GFPT2: variants seen among roughly 807,000 people sequenced by gnomAD.
The protein encoded by GFPT2 is glutamine--fructose-6-phosphate aminotransferase [isomerizing] 2.
Under a neutral mutation model 85.6 loss-of-function variants are expected in GFPT2, and 62 were observed. That is an observed-to-expected ratio of 0.72 (90% CI 0.59 to 0.90). The LOEUF (loss-of-function observed/expected upper bound fraction) is 0.90. Among genes scored for constraint, GFPT2 ranks in the 40% least tolerant of loss-of-function variants. GFPT2 has a pLI of 0.00. For synonymous variants in GFPT2, 368 were observed against 344.5 expected (o/e 1.07, Z -0.75); for missense variants, 788 against 893.4 (o/e 0.88, Z 1.50).
intron 17 of GFPT2, 103 bp from the exon 18 acceptor site, chr5:180,302,687 C>CA: frequency 8.1e-6 from 7 of 869,420 alleles, no homozygotes; most frequent in Non-Finnish European, 1.2e-5. Flanking sequence ...TGAGAACAGT[C>CA]CTCTTTTGCA....
At chr5:180,352,525 G>C (rs949436935) in intron 1 of GFPT2, 25 of 444,010 alleles carry the variant, frequency 5.6e-5, no homozygotes, top group Admixed American at 5.1e-4. Context: ...CGCGGGAATC[G>C]GACGCCCGGC....
rs141497441 is a variant in GFPT2, at chr5:180,313,980, C to T, written c.1274-16G>A. Reference sequence around the variant, plus strand: ...GCGGTCTCGCCTGCCGCCCAGGGGCCCTCTCAGTGCCGCGCTCCGCCAGCC... The same window carrying T: ...GCGGTCTCGCCTGCCGCCCAGGGGCTCTCTCAGTGCCGCGCTCCGCCAGCC... On this transcript the variant is annotated splice_polypyrimidine_tract_variant and intron_variant, in intron 13 of 18. Coordinates refer to ENST00000253778, the MANE Select transcript of GFPT2 (RefSeq NM_005110.4). 7.2e-3 allele frequency: 11,359 copies of T among 1,582,162 alleles called. 76 individuals carry two copies. Among genetic ancestry groups the T allele is most frequent in the Middle Eastern group, 0.021 (94 of 4,464 alleles).
chr5:180,316,706 G>A lies in GFPT2; in HGVS notation c.1152+58C>T, dbSNP rs978033527. 4 of 1,220,396 alleles carry A rather than the reference G, an allele frequency of 3.3e-6. No individual in the cohort carries two copies. In the African/African-American group the frequency reaches 4.5e-5, roughly 14 times the overall value. 75.6% of individuals were successfully genotyped at this position (1,220,396 alleles called of 1,614,324 possible). On this transcript the variant is annotated intron_variant, in intron 12 of 18. Transcript: ENST00000253778. ...AGGCCACATGAGTGATAAAACTGAAGGCCAGTGTCTGGTCCTAGACTGCCG... is the reference window on the plus strand; with the variant it reads ...AGGCCACATGAGTGATAAAACTGAAAGCCAGTGTCTGGTCCTAGACTGCCG...
chr5:180,324,938 G>A (rs1156893868), intron 7 of GFPT2, 43 bp from the exon 8 acceptor site: 10 of 1,205,412 alleles, frequency 8.3e-6, no homozygotes, highest in South Asian at 3.6e-5. Context: ...TGCCTTTGAC[G>A]CCCAGTGCTG....
chr5:180,324,899 T>C lies in GFPT2; in HGVS notation c.597-4A>G. ...GATGAGCAGGGGGCTGCCTCTCCTG[T>C]AGGGAGAAAGAGGCATCCCATTACC... On this transcript the variant is annotated splice_polypyrimidine_tract_variant and splice_region_variant and intron_variant, in intron 7 of 18. Coordinates refer to ENST00000253778, the MANE Select transcript of GFPT2 (RefSeq NM_005110.4). 2.5e-6 allele frequency: 4 copies of C among 1,592,758 alleles called. No homozygotes were observed. The highest frequency in any genetic ancestry group is 3.4e-6 in the Non-Finnish European group (4 of 1,160,684).
chr5:180,318,606 GA>G lies in GFPT2; in HGVS notation c.958+186del. The G allele has an allele frequency of 3.4e-6, 2 of 581,672 alleles. No homozygotes were observed. Among genetic ancestry groups the G allele is most frequent in the South Asian group, 2.1e-5 (1 of 47,090 alleles). 36.0% of individuals were successfully genotyped at this position (581,672 alleles called of 1,614,324 possible). On this transcript the variant is annotated intron_variant, in intron 10 of 18. Transcript: ENST00000253778. The surrounding 1 kb of genome is among the most constrained non-coding windows in gnomAD (Gnocchi z 4.2). ...GGCTGCACACAGGAGCCCCCGCTTG[GA>G]GGTGCCAGGCCAGCCTCCCCACATC...
At chr5:180,320,412 A>C (rs1764096824) in intron 9 of GFPT2, among the ~76,000 whole-genome samples, 1 of 152,228 alleles carries the variant, frequency 6.6e-6, no homozygotes, top group Non-Finnish European at 1.5e-5. Flanking sequence ...CTAAATGAAA[A>C]AGAAAGGTGA....
At chr5:180,317,545 G>A (rs544868895) in intron 10 of GFPT2, among the ~76,000 whole-genome samples, 2 of 151,398 alleles carry the variant, frequency 1.3e-5, no homozygotes, top group Non-Finnish European at 2.9e-5. Flanking sequence ...GGATCACGAA[G>A]TCAGGAGATC....
At chr5:180,313,257 C>T (rs1763930100) in intron 14 of GFPT2, among the ~76,000 whole-genome samples, 1 of 151,862 alleles carries the variant, frequency 6.6e-6, no homozygotes, top group African/African-American at 2.4e-5. Context: ...ACAACATGGA[C>T]GAAACACAGG....
chr5:180,350,965 G>A (rs1047797271), intron 1 of GFPT2, among the ~76,000 whole-genome samples: 55 of 152,352 alleles, frequency 3.6e-4, no homozygotes, highest in Middle Eastern at 3.4e-3. Flanking sequence ...CGCCAGGTGC[G>A]CACAGACTTC....
chr5:180,339,811 G>A (rs1226492614), intron 1 of GFPT2, among the ~76,000 whole-genome samples: 1 of 152,232 alleles, frequency 6.6e-6, no homozygotes, highest in African/African-American at 2.4e-5. Flanking sequence ...CCCCACCAAG[G>A]GCACAGGCTG....
chr5:180,344,994 G>A (rs532312050), intron 1 of GFPT2, among the ~76,000 whole-genome samples: 9 of 152,360 alleles, frequency 5.9e-5, no homozygotes, highest in East Asian at 5.8e-4. Flanking sequence ...CACAGAGGCC[G>A]TGGCCAGTGC....
intron 2 of GFPT2, among the ~76,000 whole-genome samples, chr5:180,336,964 C>T (rs1415568928): frequency 6.6e-6 from 1 of 152,260 alleles, no homozygotes; most frequent in Non-Finnish European, 1.5e-5. Flanking sequence ...TAGTGTTCCT[C>T]CCGTCGTCTA....
At chr5:180,316,255 C>T (rs1764006650) in intron 13 of GFPT2, 86 bp downstream of exon 13, 2 of 1,361,980 alleles carry the variant, frequency 1.5e-6, no homozygotes, top group Admixed American at 3.6e-5. Context: ...GGTAGCCATG[C>T]AGAGGACTTA....
At chr5:180,332,641 G>A (rs1369157826) in intron 4 of GFPT2, among the ~76,000 whole-genome samples, 4 of 152,020 alleles carry the variant, frequency 2.6e-5, no homozygotes, top group East Asian at 3.9e-4. Flanking sequence ...GGGTTCAAGC[G>A]ATTCTCCTGC....
rs1764284453 is a variant in GFPT2 at position 180,330,621 on chromosome 5, T to G, written c.534+79A>C. 2 of 1,206,372 alleles carry G rather than the reference T, an allele frequency of 1.7e-6. No individual in the cohort carries two copies. Among genetic ancestry groups the G allele is most frequent in the Non-Finnish European group, 2.4e-6 (2 of 828,516 alleles). The allele number at this position is 1,206,372 out of a possible 1,614,324, so 74.7% of individuals were successfully genotyped here. A position where few individuals can be genotyped will look rare whatever the true frequency, so the allele number is the denominator to read the frequency against. ...GGGCTTATAAAAAATGAAGGATTCC[T>G]TGGCACTTGCTGCTTGAAAAAAATG... is the stretch of plus-strand genomic sequence containing the variant. On this transcript the variant is annotated intron_variant, in intron 6 of 18. Coordinates refer to ENST00000253778, the MANE Select transcript of GFPT2 (RefSeq NM_005110.4). This position sits in a 1 kb window ranked among gnomAD's most constrained non-coding sequence, Gnocchi z 4.4.
At chr5:180,302,863 C>T (rs190440922) in intron 17 of GFPT2, among the ~76,000 whole-genome samples, 1 of 152,178 alleles carries the variant, frequency 6.6e-6, no homozygotes. Context: ...GGGGCAGACT[C>T]ACTCCTAACT....
At chr5:180,313,519 G>C (rs1763937715) in intron 14 of GFPT2, among the ~76,000 whole-genome samples, 1 of 151,656 alleles carries the variant, frequency 6.6e-6, no homozygotes, top group Non-Finnish European at 1.5e-5. Context: ...GAACCCGGGA[G>C]GCGGAGCTTG....
At position 180,310,161 on chromosome 5, in the gene GFPT2, G is replaced by C. The variant is rs904938094; in HGVS notation, c.1546+2269C>G. On this transcript the variant is annotated intron_variant, in intron 15 of 18. Coordinates refer to ENST00000253778, the MANE Select transcript of GFPT2 (RefSeq NM_005110.4). ...CTTGTCGCCCAGGCTGGAGTACAAT[G>C]GCACAATCTCGGCTCACTGCAATCT... 2.7e-4 allele frequency among the ~76,000 whole-genome samples: 41 copies of C among 151,824 alleles called. 1 individual carries two copies. The highest frequency in any genetic ancestry group is 8.8e-5 in the Non-Finnish European group (6 of 67,990).
Sources: allele counts gnomAD v4.1 joint callset (sites outside exome capture counted in the v4.1 genomes callset), GRCh38; gene constraint gnomAD v4.1.1; non-coding constraint Gnocchi (gnomAD v3.1); transcripts MANE v1.5; gene names NCBI Gene and HGNC (gene_info 2026-07-23, HGNC 2026-07-21).